SOCS2: variants seen among roughly 807,000 people sequenced by gnomAD.
SOCS2 encodes the protein CIS-2.
A neutral mutation model predicts 18.6 loss-of-function variants in SOCS2; 10 were observed. The observed-to-expected ratio is 0.54, with a 90% CI of 0.33 to 0.91. The LOEUF (loss-of-function observed/expected upper bound fraction) is 0.91, where lower values mean the gene tolerates loss of function less well. Ranked by LOEUF, SOCS2 falls within the 40% of genes least tolerant of loss-of-function variation. SOCS2 has a pLI of 0.02. For missense variants in SOCS2, 231 were observed against 247.2 expected (o/e 0.93, Z 0.44); for synonymous variants, 104 against 104.0 (o/e 1.00, Z 0.00).
upstream of SOCS2, chr12:93,571,811 C>G (rs1006365423): frequency 2.4e-6 from 1 of 412,104 alleles, no homozygotes; most frequent in Non-Finnish European, 4.8e-6. Context: ...CCTCCTCTCC[C>G]GGGCCCCTCC....
At chr12:93,615,124 C>T in the SOCS2 span, among the ~76,000 whole-genome samples, 5 of 152,122 alleles carry the variant, frequency 3.3e-5, no homozygotes, top group Non-Finnish European at 5.9e-5. Context: ...GATAGGTGCC[C>T]CTTTTCTGAG....
chr12:93,611,270 C>A, the SOCS2 span, among the ~76,000 whole-genome samples: 9 of 152,234 alleles, frequency 5.9e-5, no homozygotes, highest in Admixed American at 5.9e-4. Context: ...CGGAGTCTCA[C>A]TTTGCCACCC....
chr12:93,582,574 GCTTTGAGT>G (rs1954555166), intron 1 of SOCS2, among the ~76,000 whole-genome samples: 1 of 152,146 alleles, frequency 6.6e-6, no homozygotes, highest in African/African-American at 2.4e-5. Context: ...GGAGTATGCG[GCTTTGAGT>G]CACACAGATT....
chr12:93,588,948 A>T, the SOCS2 span, among the ~76,000 whole-genome samples: 1 of 152,182 alleles, frequency 6.6e-6, no homozygotes, highest in Non-Finnish European at 1.5e-5. Context: ...TTGATAGATC[A>T]GGGACATAAA....
chr12:93,602,609 A>C, the SOCS2 span, among the ~76,000 whole-genome samples: 1 of 152,182 alleles, frequency 6.6e-6, no homozygotes, highest in African/African-American at 2.4e-5. Flanking sequence ...ATATTATTTC[A>C]GAGTTGAGTC....
chr12:93,624,535 G>A, the SOCS2 span, among the ~76,000 whole-genome samples: 3 of 151,268 alleles, frequency 2.0e-5, no homozygotes, highest in African/African-American at 7.3e-5. Flanking sequence ...TTGCACCACT[G>A]CACTCAGCCT....
intron 1 of SOCS2, among the ~76,000 whole-genome samples, chr12:93,582,763 C>A (rs1176212853): frequency 6.6e-6 from 1 of 152,080 alleles, no homozygotes; most frequent in African/African-American, 2.4e-5. Flanking sequence ...AACATTGAAT[C>A]TCTGTTATCT....
downstream of SOCS2, among the ~76,000 whole-genome samples, chr12:93,577,404 C>T (rs1186641081): frequency 6.6e-6 from 1 of 152,162 alleles, no homozygotes; most frequent in East Asian, 1.9e-4. Context: ...TCTCACTCAG[C>T]ACTTGTATTA....
chr12:93,619,826 C>G, the SOCS2 span, among the ~76,000 whole-genome samples: 22 of 152,332 alleles, frequency 1.4e-4, no homozygotes, highest in South Asian at 4.6e-3. Context: ...CTATAGCCTG[C>G]CTAAATCCCA....
chr12:93,601,145 G>A, the SOCS2 span, among the ~76,000 whole-genome samples: 1 of 140,766 alleles, frequency 7.1e-6, no homozygotes, highest in Admixed American at 7.3e-5. Flanking sequence ...TGTTAGTTTT[G>A]TGCTGGTATA....
chr12:93,593,306 T>G, the SOCS2 span, among the ~76,000 whole-genome samples: 1 of 152,174 alleles, frequency 6.6e-6, no homozygotes, highest in African/African-American at 2.4e-5. Flanking sequence ...CTCCGCCTAC[T>G]CAGAAACACA....
At chr12:93,578,836 T>G (rs1215346531), downstream of SOCS2, among the ~76,000 whole-genome samples, 2 of 152,196 alleles carry the variant, frequency 1.3e-5, no homozygotes, top group Non-Finnish European at 2.9e-5. Flanking sequence ...GACTCTTCTT[T>G]GCTTTCCTGC....
At chr12:93,614,490 T>TC in the SOCS2 span, among the ~76,000 whole-genome samples, 2 of 33,688 alleles carry the variant, frequency 5.9e-5, no homozygotes, top group Non-Finnish European at 1.0e-4. Flanking sequence ...TTTCCTTCCT[T>TC]CCTTCCTTCC....
downstream of SOCS2, among the ~76,000 whole-genome samples, chr12:93,578,798 C>T (rs557042167): frequency 3.9e-5 from 6 of 152,164 alleles, no homozygotes; most frequent in Middle Eastern, 6.8e-3. Flanking sequence ...AAAAGTTGCA[C>T]GCTCCTACCC....
chr12:93,607,603 C>T, the SOCS2 span, among the ~76,000 whole-genome samples: 2 of 152,202 alleles, frequency 1.3e-5, no homozygotes, highest in East Asian at 3.8e-4. Context: ...GAGGCATTCA[C>T]TCCTGACAGC....
chr12:93,614,424 TC>T, the SOCS2 span, among the ~76,000 whole-genome samples: 1 of 100,692 alleles, frequency 9.9e-6, no homozygotes, highest in African/African-American at 4.2e-5. Flanking sequence ...TTTCTTCCTT[TC>T]TTTCCCTTCC....
chr12:93,602,757 GC>G, the SOCS2 span, among the ~76,000 whole-genome samples: 2 of 152,222 alleles, frequency 1.3e-5, no homozygotes, highest in Non-Finnish European at 1.5e-5. Context: ...AAAGAAGGGG[GC>G]TCTTTCCTGC....
the SOCS2 span, among the ~76,000 whole-genome samples, chr12:93,616,821 C>T: frequency 2.3e-3 from 343 of 152,260 alleles, 1 homozygote; most frequent in African/African-American, 7.4e-3. Context: ...TAAGAATTGG[C>T]GGGCAGGAGA....
At chr12:93,613,375 TTC>T in the SOCS2 span, among the ~76,000 whole-genome samples, 1 of 152,296 alleles carries the variant, frequency 6.6e-6, no homozygotes, top group Middle Eastern at 3.4e-3. Flanking sequence ...GGTCCTTTTT[TTC>T]TTTTTCTTTT....
Sources: allele counts gnomAD v4.1 joint callset (sites outside exome capture counted in the v4.1 genomes callset), GRCh38; gene constraint gnomAD v4.1.1; transcripts MANE v1.5; gene names NCBI Gene and HGNC (gene_info 2026-07-23, HGNC 2026-07-21).